Variants in DNM3 observed in about 807,000 individuals in gnomAD.
DNM3 encodes the protein dynamin-3.
Under a neutral mutation model 101.6 loss-of-function variants are expected in DNM3, and 47 were observed. That is an observed-to-expected ratio of 0.46 (90% CI 0.37 to 0.59). DNM3 has a LOEUF of 0.59. DNM3 is among the 20% of genes least tolerant of loss of function. DNM3 has a pLI of 0.00. For synonymous variants in DNM3, 385 were observed against 387.9 expected (o/e 0.99, Z 0.09); for missense variants, 849 against 1,085.7 (o/e 0.78, Z 3.06).
intron 17 of DNM3, among the ~76,000 whole-genome samples, chr1:172,338,511 G>A (rs2066546328): frequency 6.6e-6 from 1 of 152,114 alleles, no homozygotes; most frequent in Non-Finnish European, 1.5e-5. Context: ...CATTTTTCCA[G>A]TAGCTTAGGA....
chr1:172,382,873 C>T (rs2068989172), intron 18 of DNM3, among the ~76,000 whole-genome samples: 1 of 152,132 alleles, frequency 6.6e-6, no homozygotes, highest in Non-Finnish European at 1.5e-5. Flanking sequence ...GGAGTGTGTG[C>T]TGTAGCCTGC....
At chr1:172,010,798 A>T in intron 4 of DNM3, among the ~76,000 whole-genome samples, 1 of 144,892 alleles carries the variant, frequency 6.9e-6, no homozygotes, top group Admixed American at 6.9e-5. Flanking sequence ...CATTCCTTTT[A>T]TTTACTCATG....
intron 6 of DNM3, 112 bp downstream of exon 6, chr1:172,033,377 C>A: frequency 8.5e-7 from 1 of 1,173,440 alleles, no homozygotes; most frequent in Non-Finnish European, 1.2e-6. Flanking sequence ...AGACATGCAG[C>A]TTCAATGATA....
chr1:172,210,314 C>CTTTTTTTTTTTTTTTTT (rs11330467), intron 14 of DNM3, among the ~76,000 whole-genome samples: 2 of 84,864 alleles, frequency 2.4e-5, no homozygotes, highest in Non-Finnish European at 2.4e-5. Flanking sequence ...AGAGAGCGTG[C>CTTTTTTTTTTTTTTTTT]TTTTTTTTTT....
chr1:172,382,326 G>A (rs2068954238), intron 18 of DNM3, among the ~76,000 whole-genome samples: 1 of 152,144 alleles, frequency 6.6e-6, no homozygotes, highest in South Asian at 2.1e-4. Flanking sequence ...CCTCTTCTCT[G>A]TAGCTCACCC....
chr1:172,181,410 A>G (rs1381783250), intron 14 of DNM3, among the ~76,000 whole-genome samples: 1 of 140,694 alleles, frequency 7.1e-6, no homozygotes, highest in Non-Finnish European at 1.5e-5. Context: ...ACACACACAC[A>G]CACATATTTC....
At chr1:172,016,980 C>G (rs2047493305) in intron 4 of DNM3, among the ~76,000 whole-genome samples, 1 of 152,124 alleles carries the variant, frequency 6.6e-6, no homozygotes, top group Non-Finnish European at 1.5e-5. Context: ...TCACCTCAGC[C>G]TCCTGGGAAT....
chr1:172,273,014 A>G (rs557380746), intron 15 of DNM3, among the ~76,000 whole-genome samples: 1 of 152,216 alleles, frequency 6.6e-6, no homozygotes, highest in African/African-American at 2.4e-5. Flanking sequence ...TTTTTCTTTA[A>G]ATGTTCAATG....
chr1:172,164,072 T>G (rs1280448881), intron 14 of DNM3, among the ~76,000 whole-genome samples: 4 of 151,910 alleles, frequency 2.6e-5, no homozygotes, highest in African/African-American at 4.8e-5. Flanking sequence ...AATGTGGGGT[T>G]GAGACTTTAT....
At chr1:171,893,086 A>G (rs1473306298) in intron 1 of DNM3, among the ~76,000 whole-genome samples, 1 of 149,866 alleles carries the variant, frequency 6.7e-6, no homozygotes. Flanking sequence ...ACTCATTTCC[A>G]AAGTTACTTA....
chr1:172,093,863 C>A, intron 13 of DNM3: 1 of 700,926 alleles, frequency 1.4e-6, no homozygotes, highest in South Asian at 2.2e-5. Flanking sequence ...TCCGTAACAC[C>A]CTATCATTGA....
chr1:171,856,715 A>C (rs2033649972), intron 1 of DNM3, among the ~76,000 whole-genome samples: 1 of 152,180 alleles, frequency 6.6e-6, no homozygotes, highest in East Asian at 1.9e-4. Context: ...ATTTTTGTAC[A>C]CGGATTTTTC....
rs75848091 is a variant in DNM3 at position 172,064,305 on chromosome 1, T to C, written c.1336-4514T>C. On this transcript the variant is annotated intron_variant, in intron 10 of 20. Transcript: ENST00000627582. ...ATAAGAACTCCCATATTCTTACAAC[T>C]GTAGGCTTTTAATTTGACATTCAAA... Among the ~76,000 whole-genome samples the C allele has an allele frequency of 6.0e-3, 913 of 152,266 alleles. 10 individuals are homozygous for C. The highest frequency in any genetic ancestry group is 0.021 in the African/African-American group (865 of 41,542).
chr1:171,852,383 G>A (rs1434111576), intron 1 of DNM3, among the ~76,000 whole-genome samples: 2 of 152,176 alleles, frequency 1.3e-5, no homozygotes, highest in African/African-American at 2.4e-5. Flanking sequence ...TTAGCAGATG[G>A]ATTTGTCCAT....
chr1:172,073,245 A>G (rs1015744531), intron 11 of DNM3, among the ~76,000 whole-genome samples: 2 of 151,070 alleles, frequency 1.3e-5, no homozygotes, highest in East Asian at 1.9e-4. Flanking sequence ...ATTTACATGT[A>G]CATATATACA....
intron 14 of DNM3, among the ~76,000 whole-genome samples, chr1:172,200,877 C>T (rs776582575): frequency 2.5e-4 from 38 of 152,024 alleles, no homozygotes; most frequent in Admixed American, 7.9e-4. Flanking sequence ...TGTCCATATT[C>T]TGAATTTTAT....
intron 14 of DNM3, among the ~76,000 whole-genome samples, chr1:172,209,626 GC>G (rs1369338679): frequency 1.3e-5 from 2 of 152,062 alleles, no homozygotes; most frequent in Non-Finnish European, 2.9e-5. Context: ...CAATAGCAAT[GC>G]ACTTCTGTGT....
At chr1:172,336,934 T>C (rs2148948404) in intron 17 of DNM3, among the ~76,000 whole-genome samples, 1 of 152,304 alleles carries the variant, frequency 6.6e-6, no homozygotes, top group South Asian at 2.1e-4. Context: ...ACTAAATGAG[T>C]TAATATTTGT....
chr1:171,842,853 G>A (rs1388269489), intron 1 of DNM3, among the ~76,000 whole-genome samples: 1 of 152,240 alleles, frequency 6.6e-6, no homozygotes, highest in Non-Finnish European at 1.5e-5. Flanking sequence ...TGCCTGAAGA[G>A]TGCAGACATT....
Sources: allele counts gnomAD v4.1 joint callset (sites outside exome capture counted in the v4.1 genomes callset), GRCh38; gene constraint gnomAD v4.1.1; transcripts MANE v1.5; gene names NCBI Gene and HGNC (gene_info 2026-07-23, HGNC 2026-07-21).